The following SNTG2 variants were observed in gnomAD, a reference collection of about 807,000 sequenced individuals.
The protein encoded by SNTG2 is gamma-2-syntrophin.
Under a neutral mutation model 70.9 loss-of-function variants are expected in SNTG2, and 74 were observed. That is an observed-to-expected ratio of 1.04 (90% CI 0.86 to 1.27). SNTG2 has a LOEUF of 1.27. Among genes scored for constraint, SNTG2 ranks in the 50% most tolerant of loss-of-function variants. The pLI is 0.00. For missense variants in SNTG2, 717 were observed against 690.7 expected (o/e 1.04, Z -0.43); for synonymous variants, 278 against 273.8 (o/e 1.02, Z -0.15).
At chr2:1,286,134 G>C (rs983658318) in intron 14 of SNTG2, among the ~76,000 whole-genome samples, 3 of 152,122 alleles carry the variant, frequency 2.0e-5, no homozygotes, top group Non-Finnish European at 2.9e-5. Context: ...CCTGGTGGCA[G>C]GGTTCCTCCT....
chr2:1,077,094 A>G (rs935957733), intron 1 of SNTG2, among the ~76,000 whole-genome samples: 3 of 152,224 alleles, frequency 2.0e-5, no homozygotes, highest in African/African-American at 7.2e-5. Flanking sequence ...AGTATCACCT[A>G]TAAATCATAA....
intron 1 of SNTG2, among the ~76,000 whole-genome samples, chr2:990,280 T>C (rs532748900): frequency 6.6e-6 from 1 of 152,332 alleles, no homozygotes; most frequent in African/African-American, 2.4e-5. Context: ...TTGCAGGTGC[T>C]AATCAGAGGA....
intron 1 of SNTG2, among the ~76,000 whole-genome samples, chr2:1,021,231 C>T (rs1660154566): frequency 6.6e-6 from 1 of 152,132 alleles, no homozygotes; most frequent in African/African-American, 2.4e-5. Flanking sequence ...ACGGTAGCTA[C>T]TATCTTTGAC....
At chr2:1,086,305 G>A (rs771426382) in intron 2 of SNTG2, among the ~76,000 whole-genome samples, 2 of 152,148 alleles carry the variant, frequency 1.3e-5, no homozygotes, top group Admixed American at 6.5e-5. Flanking sequence ...ACACGGGCTC[G>A]CTCTCTCGCT....
intron 1 of SNTG2, among the ~76,000 whole-genome samples, chr2:998,256 G>T (rs1450473580): frequency 6.6e-6 from 1 of 152,000 alleles, no homozygotes; most frequent in African/African-American, 2.4e-5. Flanking sequence ...TATTACAGCA[G>T]CCCCCAAATA....
chr2:1,158,655 C>T (rs1485308607), intron 6 of SNTG2, among the ~76,000 whole-genome samples: 1 of 152,172 alleles, frequency 6.6e-6, no homozygotes, highest in Non-Finnish European at 1.5e-5. Context: ...CAGTTAGGCA[C>T]AGCACGGCCA....
intron 1 of SNTG2, among the ~76,000 whole-genome samples, chr2:1,045,568 G>A (rs1030917506): frequency 3.3e-5 from 5 of 152,032 alleles, no homozygotes; most frequent in African/African-American, 1.2e-4. Context: ...CCTGATTCTA[G>A]TATGTTATAT....
At chr2:1,227,400 C>T (rs1433136137) in intron 9 of SNTG2, among the ~76,000 whole-genome samples, 2 of 152,238 alleles carry the variant, frequency 1.3e-5, no homozygotes, top group Non-Finnish European at 2.9e-5. Context: ...GGACAGTCGG[C>T]CCCTGGCTGG....
intron 1 of SNTG2, among the ~76,000 whole-genome samples, chr2:1,047,222 G>A (rs968750324): frequency 6.6e-6 from 1 of 152,108 alleles, no homozygotes; most frequent in African/African-American, 2.4e-5. Flanking sequence ...TTTTTAAAAT[G>A]GGTATTTCAT....
chr2:1,191,689 G>A (rs1219311914), intron 8 of SNTG2, among the ~76,000 whole-genome samples: 3 of 152,108 alleles, frequency 2.0e-5, no homozygotes, highest in Admixed American at 2.0e-4. Context: ...CAGCTACTTG[G>A]GAGGCTGAGG....
At chr2:1,147,952 G>A (rs1669208799) in intron 6 of SNTG2, among the ~76,000 whole-genome samples, 1 of 152,260 alleles carries the variant, frequency 6.6e-6, no homozygotes, top group African/African-American at 2.4e-5. Flanking sequence ...TTTAAAAGAA[G>A]AGAGCCAATT....
intron 16 of SNTG2, among the ~76,000 whole-genome samples, chr2:1,320,969 T>C (rs1217216113): frequency 6.6e-6 from 1 of 152,236 alleles, no homozygotes; most frequent in African/African-American, 2.4e-5. Context: ...TTAGTTTAGC[T>C]TTTTTATATT....
rs1488529442 is a variant in SNTG2 at position 1,081,289 on chromosome 2, C to A, written c.73-2229C>A. 2.6e-5 allele frequency among the ~76,000 whole-genome samples: 4 copies of A among 152,278 alleles called. No homozygotes were observed. In the East Asian group the frequency reaches 7.7e-4, roughly 29 times the overall value. On this transcript the variant is annotated intron_variant, in intron 1 of 16. Transcript: ENST00000308624. The stretch of plus-strand genomic sequence containing the variant: ...CGTGTGTGAGAGTAAATGCGGGAGG[C>A]AATGGTGAGATATCCTCACAGGTGT...
chr2:1,054,182 T>C (rs1183725016), intron 1 of SNTG2, among the ~76,000 whole-genome samples: 4 of 152,054 alleles, frequency 2.6e-5, no homozygotes, highest in Non-Finnish European at 5.9e-5. Context: ...TTGTTTCCCG[T>C]GGTGCGGCTC....
At chr2:1,313,940 A>G (rs553323218) in intron 15 of SNTG2, among the ~76,000 whole-genome samples, 2 of 152,362 alleles carry the variant, frequency 1.3e-5, no homozygotes, top group South Asian at 4.1e-4. Flanking sequence ...TATTGAGTAC[A>G]GTTGCAGTGC....
intron 4 of SNTG2, among the ~76,000 whole-genome samples, chr2:1,099,269 G>A (rs1323934894): frequency 6.6e-6 from 1 of 152,272 alleles, no homozygotes; most frequent in Admixed American, 6.5e-5. Context: ...CTTGAGGCCT[G>A]CAGGGGAACA....
chr2:971,453 G>T (rs1047145920), intron 1 of SNTG2, among the ~76,000 whole-genome samples: 16 of 152,122 alleles, frequency 1.1e-4, no homozygotes, highest in African/African-American at 3.9e-4. Flanking sequence ...TCATAGAGGT[G>T]TTCATAATAG....
At chr2:1,086,038 G>A (rs907983915) in intron 2 of SNTG2, among the ~76,000 whole-genome samples, 2 of 152,142 alleles carry the variant, frequency 1.3e-5, no homozygotes, top group South Asian at 2.1e-4. Context: ...GAAGGTATGC[G>A]TCTAATATTA....
chr2:1,173,616 A>G (rs1375554142), intron 8 of SNTG2, among the ~76,000 whole-genome samples: 1 of 152,248 alleles, frequency 6.6e-6, no homozygotes, highest in Non-Finnish European at 1.5e-5. Context: ...TCCCAAGAAA[A>G]CCAGACTTGA....
Sources: gnomAD v4.1 joint callset for allele counts (sites outside exome capture counted in the v4.1 genomes callset) on GRCh38, gnomAD v4.1.1 for gene constraint, MANE v1.5 for transcripts, NCBI Gene and HGNC (gene_info 2026-07-23, HGNC 2026-07-21) for gene names.